KNL1: variants seen among roughly 807,000 people sequenced by gnomAD.
The protein encoded by KNL1 is kinetochore scaffold 1.
A neutral mutation model predicts 201.3 loss-of-function variants in KNL1; 66 were observed. The ratio of observed to expected loss-of-function variants is 0.33; its 90% confidence interval spans 0.27 to 0.40. The LOEUF is 0.40. Ranked by LOEUF, KNL1 falls within the 10% of genes least tolerant of loss-of-function variation. The pLI, the probability that KNL1 is intolerant of heterozygous loss-of-function variation, is 1.00. For synonymous variants in KNL1, 895 were observed against 899.2 expected (o/e 1.00, Z 0.08); for missense variants, 2,815 against 2,690.5 (o/e 1.05, Z -1.02).
intron 15 of KNL1, among the ~76,000 whole-genome samples, chr15:40,645,343 T>G (rs960409972): frequency 4.6e-5 from 7 of 152,214 alleles, no homozygotes; most frequent in African/African-American, 1.7e-4. Context: ...TGCCTTTCAC[T>G]TAGATTTAGA....
Position 40,624,472 on chromosome 15 carries a change from C to T in KNL1, c.4208C>T (p.Thr1403Ile), listed in dbSNP as rs770847630. ...CCACGAAATCTATTGGCTAATCAAA[C>T]TTTAGTATATAGTCAAGATCTGGGG... is the stretch of plus-strand genomic sequence containing the variant. ...KDPRNLLANQ[T>I]LVYSQDLGEM... The change falls in exon 10 of 26, where the codon ACT (threonine) becomes ATT (isoleucine). Residue 1403 changes from threonine (T) to isoleucine (I), a missense_variant. Around this residue, in one of 3 missense-constraint regions of KNL1, gnomAD observed 2,464 missense variants for 2,291.7 expected, o/e 1.08. Coordinates refer to ENST00000399668, the MANE Select transcript of KNL1 (RefSeq NM_144508.5). The T allele has an allele frequency of 6.2e-7, 1 of 1,613,762 alleles. No individual in the cohort carries two copies. The highest frequency in any genetic ancestry group is 8.5e-7 in the Non-Finnish European group (1 of 1,179,850).
chr15:40,608,146 A>G (rs544744745), intron 4 of KNL1, among the ~76,000 whole-genome samples: 15 of 152,332 alleles, frequency 9.8e-5, no homozygotes, highest in Admixed American at 8.5e-4. Flanking sequence ...ATTCTGACAC[A>G]TACTACAAAA....
rs185689902 is a variant in KNL1 at position 40,658,239 on chromosome 15, C to A, written c.6713+766C>A. On this transcript the variant is annotated intron_variant, in intron 24 of 25. Transcript: ENST00000399668. Reference sequence around the variant, plus strand: ...TGAGATTTTGCCACTGCCCTCCAGCCTGGGCACAAAGAGACTCCATATCCT... The same window carrying A: ...TGAGATTTTGCCACTGCCCTCCAGCATGGGCACAAAGAGACTCCATATCCT... 6.2e-4 allele frequency among the ~76,000 whole-genome samples: 92 copies of A among 149,494 alleles called. 1 individual carries two copies. Among genetic ancestry groups the A allele is most frequent in the Middle Eastern group, 7.4e-3 (2 of 270 alleles).
chr15:40,600,977 C>T (rs1297193724), intron 1 of KNL1, among the ~76,000 whole-genome samples: 5 of 152,090 alleles, frequency 3.3e-5, no homozygotes, highest in Non-Finnish European at 4.4e-5. Flanking sequence ...GTTGACTTTC[C>T]CTCAGATAAA....
At position 40,624,814 on chromosome 15, in the gene KNL1, A is replaced by T. The variant is rs886051139; in HGVS notation, c.4550A>T (p.Asn1517Ile). ...LKENIQTTNY[N>I]TALDFHSNSD... Reference sequence around the variant, plus strand: ...GAAAATATTCAAACAACTAACTATAATACAGCTCTAGATTTCCACAGTAAC... The same window carrying T: ...GAAAATATTCAAACAACTAACTATATTACAGCTCTAGATTTCCACAGTAAC... Residue 1517 changes from asparagine to isoleucine, a missense_variant, in exon 10 of 26, where the codon AAT becomes ATT. Transcript: ENST00000399668. 3.7e-6 allele frequency: 6 copies of T among 1,613,458 alleles called. No individual in the cohort carries two copies. The highest frequency in any genetic ancestry group is 5.1e-6 in the Non-Finnish European group (6 of 1,179,928).
chr15:40,642,074 A>C (rs1893245344), intron 14 of KNL1, among the ~76,000 whole-genome samples: 1 of 152,228 alleles, frequency 6.6e-6, no homozygotes, highest in Admixed American at 6.6e-5. Flanking sequence ...TAGAAGTAGA[A>C]GGAAAAGAAT....
At chr15:40,628,247 GCTTA>G in intron 11 of KNL1, 39 bp downstream of exon 11, 5 of 1,543,310 alleles carry the variant, frequency 3.2e-6, no homozygotes, top group Non-Finnish European at 4.3e-6. Flanking sequence ...GCAGCCATCT[GCTTA>G]CTTAACTAAT....
At chr15:40,640,081 T>C (rs935112128) in intron 13 of KNL1, among the ~76,000 whole-genome samples, 15 of 150,248 alleles carry the variant, frequency 1.0e-4, no homozygotes, top group Admixed American at 8.6e-4. Context: ...CTTTTCTTTT[T>C]TTTCTTTTTT....
At chr15:40,650,095 T>C in intron 17 of KNL1, 1 of 432,430 alleles carries the variant, frequency 2.3e-6, no homozygotes, top group Non-Finnish European at 4.2e-6. Context: ...AGTTCACCCC[T>C]TTGTTGACTA....
At chr15:40,643,834 C>G (rs554841069) in intron 14 of KNL1, among the ~76,000 whole-genome samples, 1 of 152,208 alleles carries the variant, frequency 6.6e-6, no homozygotes, top group Admixed American at 6.5e-5. Context: ...AGTGAATAAT[C>G]AGGCTTTTCT....
chr15:40,660,052 A>G (rs56770250), intron 25 of KNL1, among the ~76,000 whole-genome samples: 2 of 151,790 alleles, frequency 1.3e-5, no homozygotes, highest in Non-Finnish European at 2.9e-5. Flanking sequence ...CTGGGACTTA[A>G]AGGCAAGCGC....
intron 5 of KNL1, among the ~76,000 whole-genome samples, chr15:40,609,365 T>A (rs1892083318): frequency 6.6e-6 from 1 of 151,828 alleles, no homozygotes; most frequent in South Asian, 2.1e-4. Flanking sequence ...CAGTGAGCCA[T>A]GATAGTGTCA....
intron 10 of KNL1, among the ~76,000 whole-genome samples, chr15:40,626,563 G>C (rs73394763): frequency 8.6e-4 from 131 of 151,520 alleles, no homozygotes; most frequent in African/African-American, 2.7e-3. Context: ...TGCTGTCATG[G>C]AGTTTACATA....
Position 40,662,170 on chromosome 15 carries a change from C to A in KNL1, c.6933C>A (p.Asp2311Glu). Residue 2311 changes from aspartate to glutamate, a missense_variant, in exon 26 of 26, where the codon GAC becomes GAA. This residue lies in a region of KNL1 where 334 missense variants were observed against 362.6 expected (regional missense o/e 0.92). Coordinates refer to ENST00000399668, the MANE Select transcript of KNL1 (RefSeq NM_144508.5). Reference sequence around the variant, plus strand: ...AAATTTACCAAGATCTGTTTCAGGACTGCCATTTCTACCACTAGACCCTTG... The same window carrying A: ...AAATTTACCAAGATCTGTTTCAGGAATGCCATTTCTACCACTAGACCCTTG... ...VKQIYQDLFQ[D>E]CHFYH 6.2e-7 allele frequency: 1 copy of A among 1,602,288 alleles called. No homozygotes were observed. Among genetic ancestry groups the A allele is most frequent in the Non-Finnish European group, 8.6e-7 (1 of 1,169,240 alleles).
chr15:40,630,810 A>T (rs540196849), intron 13 of KNL1, among the ~76,000 whole-genome samples: 1 of 152,288 alleles, frequency 6.6e-6, no homozygotes, highest in South Asian at 2.1e-4. Flanking sequence ...TATATATTAC[A>T]ATGTAGTAAT....
rs185511322 is a variant in KNL1, at chr15:40,655,077, C to A, written c.6484+100C>A. ...CTTTGGGAGGCTGAGGCGGGTGGAT[C>A]ACCAGGGGTCAGGAGTTTGAGACCA... is the stretch of plus-strand genomic sequence containing the variant. On this transcript the variant is annotated intron_variant, in intron 22 of 25. Coordinates refer to ENST00000399668, the MANE Select transcript of KNL1 (RefSeq NM_144508.5). The A allele has an allele frequency of 5.7e-4, 473 of 834,522 alleles. 3 individuals carry two copies. In the African/African-American group the frequency reaches 7.8e-3, roughly 14 times the overall value. The allele number at this position is 834,522 out of a possible 1,614,324, so 51.7% of individuals were successfully genotyped here.
chr15:40,654,861 T>A (rs1282140778), intron 21 of KNL1, 48 bp from the exon 22 acceptor site: 3 of 1,402,864 alleles, frequency 2.1e-6, no homozygotes, highest in South Asian at 2.3e-5. Context: ...AAAGTGAGAC[T>A]CTCTGTCTAA....
At position 40,624,530 on chromosome 15, in the gene KNL1, T is replaced by A. The variant is rs1158706888; in HGVS notation, c.4266T>A (p.Ser1422=). The change falls in exon 10 of 26, where the codon TCT becomes TCA. Residue 1422 remains serine (S), a synonymous_variant. Coordinates refer to ENST00000399668, the MANE Select transcript of KNL1 (RefSeq NM_144508.5). ...EMTKLNSKRV[S]FKLPKDQMKV... ...CTAAACTTAATTCAAAGCGAGTATC[T>A]TTTAAGCTTCCAAAGGATCAAATGA... 1 of 1,613,838 alleles carries A rather than the reference T, an allele frequency of 6.2e-7. No homozygotes were observed. The highest frequency in any genetic ancestry group is 2.2e-5 in the East Asian group (1 of 44,874).
Position 40,640,937 on chromosome 15 carries a change from C to CA in KNL1, c.5709dup (p.Glu1904ArgfsTer18), listed in dbSNP as rs779876566. On this transcript the variant is annotated frameshift_variant, in exon 14 of 26. Transcript: ENST00000399668. LOFTEE classifies it high-confidence loss of function. ...TTTACTGTAAACACACCACCTACTC[C>CA]AGAAGACCTGATGTTAAGTCAATAT... 1.2e-6 allele frequency: 2 copies of CA among 1,612,750 alleles called. No homozygotes were observed. The highest frequency in any genetic ancestry group is 1.7e-6 in the Non-Finnish European group (2 of 1,179,324).
Sources: gnomAD v4.1 joint callset for allele counts (sites outside exome capture counted in the v4.1 genomes callset) on GRCh38, gnomAD v4.1.1 for gene constraint, gnomAD v4.1.1 regional missense constraint, MANE v1.5 for transcripts, NCBI Gene and HGNC (gene_info 2026-07-23, HGNC 2026-07-21) for gene names.